Variants in DACT3 observed in about 807,000 individuals in gnomAD.
The protein encoded by DACT3 is dishevelled binding antagonist of beta catenin 3, also known as dapper homolog 3.
In DACT3, 5 loss-of-function variants were observed where a neutral mutation model predicts 19.6. The observed-to-expected ratio is 0.26, with a 90% confidence interval of 0.13 to 0.54. The LOEUF is 0.54. DACT3 is among the 20% of genes least tolerant of loss of function. The pLI, the probability that DACT3 is intolerant of heterozygous loss-of-function variation, is 0.95. For missense variants in DACT3, 908 were observed against 927.4 expected (o/e 0.98, Z 0.27); for synonymous variants, 454 against 428.1 (o/e 1.06, Z -0.75).
chr19:46,658,282 C>T (rs1330613031), intron 1 of DACT3, among the ~76,000 whole-genome samples: 1 of 151,510 alleles, frequency 6.6e-6, no homozygotes, highest in Non-Finnish European at 1.5e-5. Flanking sequence ...GTAGTCCTAG[C>T]TTCTTGGGAG....
rs182172467 is a variant in DACT3, at chr19:46,648,419, T to G, written c.*63A>C. The G allele has an allele frequency of 1.9e-6, 3 of 1,608,704 alleles. No individual in the cohort carries two copies. In the East Asian group the frequency reaches 6.7e-5, roughly 36 times the overall value. On this transcript the variant is annotated 3_prime_UTR_variant, in exon 4 of 4. Coordinates refer to ENST00000391916, the MANE Select transcript of DACT3 (RefSeq NM_145056.3). The surrounding 1 kb of genome is among the most constrained non-coding windows in gnomAD (Gnocchi z 5.1). Reference sequence around the variant, plus strand: ...TCTTTGGAAGGTAGATGTGGAAGGGTCAGTGGTTGGGAGTGTGGAGGTGCA... The same window carrying G: ...TCTTTGGAAGGTAGATGTGGAAGGGGCAGTGGTTGGGAGTGTGGAGGTGCA...
At chr19:46,652,414 G>C in intron 3 of DACT3, 1 of 521,774 alleles carries the variant, frequency 1.9e-6, no homozygotes, top group Non-Finnish European at 3.4e-6. Context: ...CAATCTCCTG[G>C]CCTCAAGTGA....
Position 46,648,550 on chromosome 19 carries a change from A to G in DACT3, c.1822T>C (p.Ser608Pro). 2.5e-6 allele frequency: 4 copies of G among 1,613,834 alleles called. No homozygotes were observed. The highest frequency in any genetic ancestry group is 1.3e-5 in the African/African-American group (1 of 75,008). Reference protein sequence around the residue: ...PAKVFVKIKASHALKKKILRF... With the variant: ...PAKVFVKIKAPHALKKKILRF... ...AGTATCTTTTTCTTGAGCGCGTGGG[A>G]AGCTTTGATTTTCACGAAGACTTTG... The change falls in exon 4 of 4, where the codon TCC becomes CCC. Residue 608 changes from serine to proline, a missense_variant. Transcript: ENST00000391916. This position sits in a 1 kb window ranked among gnomAD's most constrained non-coding sequence, Gnocchi z 5.1.
chr19:46,652,919 T>C, intron 2 of DACT3, 60 bp downstream of exon 2: 7 of 1,545,024 alleles, frequency 4.5e-6, no homozygotes, highest in Non-Finnish European at 6.1e-6. Context: ...GCCTCAGAAA[T>C]AGGGATACGG....
rs1207603278 is a variant in DACT3 at position 46,660,795 on chromosome 19, G to C, written c.249+21C>G. 1.4e-5 allele frequency: 21 copies of C among 1,468,544 alleles called. No homozygotes were observed. The highest frequency in any genetic ancestry group is 1.8e-5 in the Non-Finnish European group (20 of 1,115,112). 91.0% of individuals were successfully genotyped at this position (1,468,544 alleles called of 1,614,324 possible). A position where few individuals can be genotyped will look rare whatever the true frequency, so the allele number is the denominator to read the frequency against. On this transcript the variant is annotated intron_variant, in intron 1 of 3. Coordinates refer to ENST00000391916, the MANE Select transcript of DACT3 (RefSeq NM_145056.3). The surrounding 1 kb of genome is among the most constrained non-coding windows in gnomAD (Gnocchi z 4.9). ...AGACACAGACGGGGGTGGAGGGACG[G>C]ACGGACAGGCAGCCCCTTACCAGCT...
At chr19:46,652,628 TG>T in intron 3 of DACT3, 31 bp downstream of exon 3, 1 of 1,546,738 alleles carries the variant, frequency 6.5e-7, no homozygotes, top group Non-Finnish European at 8.7e-7. Context: ...GTCCTTTCCC[TG>T]GCCCCAGGGC....
chr19:46,661,176 C>G lies in DACT3; in HGVS notation c.-112G>C. The G allele has an allele frequency of 1.7e-6, 2 of 1,193,048 alleles. No individual in the cohort carries two copies. The highest frequency in any genetic ancestry group is 2.2e-6 in the Non-Finnish European group (2 of 923,064). The allele number at this position is 1,193,048 out of a possible 1,614,324, so 73.9% of individuals were successfully genotyped here. A position where few individuals can be genotyped will look rare whatever the true frequency, so the allele number is the denominator to read the frequency against. ...CGCCCGCTGGCCGGGCTGTCACCGT[C>G]TCATCTGCATAGGCGCCCGCCCATT... On this transcript the variant is annotated 5_prime_UTR_variant, in exon 1 of 4. Transcript: ENST00000391916.
Position 46,659,170 on chromosome 19 carries a change from C to T in DACT3, c.249+1646G>A, listed in dbSNP as rs578112718. On this transcript the variant is annotated intron_variant, in intron 1 of 3. Coordinates refer to ENST00000391916, the MANE Select transcript of DACT3 (RefSeq NM_145056.3). Reference sequence around the variant, plus strand: ...GAAGTTTATATTTAGCGCTTCTCTGCTCCTCCTCCTCCCCCCGCCTGCCAC... The same window carrying T: ...GAAGTTTATATTTAGCGCTTCTCTGTTCCTCCTCCTCCCCCCGCCTGCCAC... 462 of 985,030 alleles carry T rather than the reference C, an allele frequency of 4.7e-4. 5 individuals are homozygous for T. Among genetic ancestry groups the T allele is most frequent in the East Asian group, 1.8e-3 (16 of 8,760 alleles). 61.0% of individuals were successfully genotyped at this position (985,030 alleles called of 1,614,324 possible). A position where few individuals can be genotyped will look rare whatever the true frequency, so the allele number is the denominator to read the frequency against.
intron 1 of DACT3, among the ~76,000 whole-genome samples, chr19:46,658,118 T>A (rs2053046099): frequency 6.6e-6 from 1 of 151,510 alleles, no homozygotes; most frequent in Non-Finnish European, 1.5e-5. Context: ...AAAGGCCAGG[T>A]ACAGTAGCTC....
intron 1 of DACT3, among the ~76,000 whole-genome samples, chr19:46,657,190 G>A (rs2053039025): frequency 6.6e-6 from 1 of 152,050 alleles, no homozygotes; most frequent in Non-Finnish European, 1.5e-5. Context: ...AAGTGTTTAA[G>A]GAGGCGTGAC....
chr19:46,652,755 C>T lies in DACT3; in HGVS notation c.404G>A (p.Cys135Tyr). 1 of 1,551,658 alleles carries T rather than the reference C, an allele frequency of 6.4e-7. No homozygotes were observed. Among genetic ancestry groups the T allele is most frequent in the Non-Finnish European group, 8.7e-7 (1 of 1,146,990 alleles). The change falls in exon 3 of 4, where the codon TGT (cysteine) becomes TAT (tyrosine). Residue 135 changes from cysteine (C) to tyrosine (Y), a missense_variant. Around this residue, in one of 2 missense-constraint regions of DACT3, gnomAD observed 252 missense variants for 325.6 expected, o/e 0.77. Coordinates refer to ENST00000391916, the MANE Select transcript of DACT3 (RefSeq NM_145056.3). ...GGPDSPPSTF[C>Y]GDSGFSGSSS... ...GGATCCAGAGAAGCCACTGTCCCCA[C>T]AGAAGGTTGAGGGTGGTGAATCTGG... is the stretch of plus-strand genomic sequence containing the variant.
rs1179924078 is a variant in DACT3 at position 46,648,593 on chromosome 19, C to T, written c.1779G>A (p.Gly593=). Residue 593 remains glycine, a synonymous_variant, in exon 4 of 4, where the codon GGG becomes GGA. Transcript: ENST00000391916. The surrounding 1 kb of genome is among the most constrained non-coding windows in gnomAD (Gnocchi z 5.1). ...AGACTTTGGCGGGGCCTGCGGGCGC[C>T]CCTGCACCTGCTCCACCCCCAGAGG... The part of the protein sequence containing the change: ...TAASGGGAGA[G]APAGPAKVFV... 2 of 1,613,530 alleles carry T rather than the reference C, an allele frequency of 1.2e-6. No individual in the cohort carries two copies. Among genetic ancestry groups the T allele is most frequent in the Admixed American group, 3.3e-5 (2 of 60,022 alleles).
rs144844073 is a variant in DACT3, at chr19:46,655,569, C to T, written c.250-2494G>A. The stretch of plus-strand genomic sequence containing the variant: ...CGGAGGTTGCAGTGAGCCGAGATCA[C>T]GCCACTGCACTCCAGCCTGGGCGAC... On this transcript the variant is annotated intron_variant, in intron 1 of 3. Transcript: ENST00000391916. 6.9e-3 allele frequency among the ~76,000 whole-genome samples: 1,052 copies of T among 152,238 alleles called. 13 individuals carry two copies. The highest frequency in any genetic ancestry group is 0.024 in the African/African-American group (1,010 of 41,532).
rs1037305855 is a variant in DACT3 at position 46,654,208 on chromosome 19, C to T, written c.250-1133G>A. On this transcript the variant is annotated intron_variant, in intron 1 of 3. Coordinates refer to ENST00000391916, the MANE Select transcript of DACT3 (RefSeq NM_145056.3). Reference sequence around the variant, plus strand: ...CATGAGAAATTTCGGGGAGTCAGGCCGGGCGCAGTGGCTCACGCCTGTAAT... The same window carrying T: ...CATGAGAAATTTCGGGGAGTCAGGCTGGGCGCAGTGGCTCACGCCTGTAAT... 3.7e-5 allele frequency: 36 copies of T among 985,200 alleles called. No homozygotes were observed. The South Asian group carries it at 5.2e-4, about 14-fold the overall frequency. 61.0% of individuals were successfully genotyped at this position (985,200 alleles called of 1,614,324 possible).
chr19:46,653,175 T>A, intron 1 of DACT3, 100 bp from the exon 2 acceptor site: 1 of 1,490,372 alleles, frequency 6.7e-7, no homozygotes, highest in Non-Finnish European at 8.9e-7. Flanking sequence ...ACTTTGACAA[T>A]GAGGCTCTCG....
Position 46,649,284 on chromosome 19 carries a change from G to T in DACT3, c.1088C>A (p.Ala363Glu). The T allele has an allele frequency of 8.2e-7, 1 of 1,212,958 alleles. No individual in the cohort carries two copies. The highest frequency in any genetic ancestry group is 1.0e-6 in the Non-Finnish European group (1 of 976,008). 75.1% of individuals were successfully genotyped at this position (1,212,958 alleles called of 1,614,324 possible). A position where few individuals can be genotyped will look rare whatever the true frequency, so the allele number is the denominator to read the frequency against. Residue 363 changes from alanine to glutamate, a missense_variant, in exon 4 of 4, where the codon GCG (alanine) becomes GAG (glutamate). Around this residue, in one of 2 missense-constraint regions of DACT3, gnomAD observed 656 missense variants for 601.8 expected, o/e 1.09. Coordinates refer to ENST00000391916, the MANE Select transcript of DACT3 (RefSeq NM_145056.3). ...AGGGAGGCCTCGGGTGGCCGCCTGC[G>T]CGCCCGGGATGTACTGCGCCTTCAC... is the stretch of plus-strand genomic sequence containing the variant. ...RLVKAQYIPG[A>E]QAATRGLPGR... is the part of the protein sequence containing the mutation.
intron 1 of DACT3, among the ~76,000 whole-genome samples, chr19:46,656,751 A>G (rs550701445): frequency 6.6e-6 from 1 of 152,360 alleles, no homozygotes; most frequent in Non-Finnish European, 1.5e-5. Context: ...ATATAGAATC[A>G]TTACCAAGAT....
rs1325208388 is a variant in DACT3, at chr19:46,649,891, A to C, written c.500-19T>G. ...GCGTCTCCTAGGGAAGGAAGGCCAA[A>C]AAAAAAAAAAAAAGAGAGAGTGGAG... On this transcript the variant is annotated intron_variant, in intron 3 of 3. Transcript: ENST00000391916. The C allele has an allele frequency of 2.2e-6, 1 of 453,810 alleles. No homozygotes were observed. The highest frequency in any genetic ancestry group is 5.6e-5 in the Admixed American group (1 of 18,014). The allele number at this position is 453,810 out of a possible 1,614,324, so 28.1% of individuals were successfully genotyped here.
Position 46,650,005 on chromosome 19 carries a change from TGC to T in DACT3, c.500-135_500-134del, listed in dbSNP as rs1279153463. Reference sequence around the variant, plus strand: ...TCCATCCTCATCGCAGCAAAAACCCTGCTCTCACACCTTCCTTCTTGTAAAAT... The same window carrying T: ...TCCATCCTCATCGCAGCAAAAACCCTTCTCACACCTTCCTTCTTGTAAAAT... On this transcript the variant is annotated intron_variant, in intron 3 of 3. Transcript: ENST00000391916. 3.0e-6 allele frequency: 3 copies of T among 1,016,828 alleles called. No individual in the cohort carries two copies. The African/African-American group carries it at 5.1e-5, about 17-fold the overall frequency. The allele number at this position is 1,016,828 out of a possible 1,614,324, so 63.0% of individuals were successfully genotyped here. A position where few individuals can be genotyped will look rare whatever the true frequency, so the allele number is the denominator to read the frequency against.
Sources: allele counts gnomAD v4.1 joint callset (sites outside exome capture counted in the v4.1 genomes callset), GRCh38; gene constraint gnomAD v4.1.1; regional missense constraint gnomAD v4.1.1; non-coding constraint Gnocchi (gnomAD v3.1); transcripts MANE v1.5; gene names NCBI Gene and HGNC (gene_info 2026-07-23, HGNC 2026-07-21).